The following RMP24 variants were observed in gnomAD, a reference collection of about 807,000 sequenced individuals.
RMP24 encodes ribonuclease MRP subunit p24.
At chr18:35,975,862 G>T in the RMP24 span, among the ~76,000 whole-genome samples, 1 of 152,138 alleles carries the variant, frequency 6.6e-6, no homozygotes, top group Non-Finnish European at 1.5e-5. Context: ...GTGTTGGTCA[G>T]GTAGGTGCAT....
At chr18:35,976,195 G>A in the RMP24 span, among the ~76,000 whole-genome samples, 1 of 135,924 alleles carries the variant, frequency 7.4e-6, no homozygotes, top group African/African-American at 2.8e-5. Context: ...TGTCGCCCAG[G>A]CTGGAGTGTA....
chr18:35,974,969 T>C, the RMP24 span: 2 of 1,614,148 alleles, frequency 1.2e-6, no homozygotes, highest in Non-Finnish European at 1.7e-6. Flanking sequence ...CTCGAGTGCG[T>C]CTCAAACCCA....
chr18:35,977,686 G>A, the RMP24 span: 1 of 1,386,478 alleles, frequency 7.2e-7, no homozygotes, highest in Non-Finnish European at 9.7e-7. Flanking sequence ...CCCTAAATAT[G>A]CCATGCATTT....
the RMP24 span, among the ~76,000 whole-genome samples, chr18:35,977,179 C>T: frequency 0.012 from 1,761 of 151,742 alleles, 26 homozygotes; most frequent in African/African-American, 0.041. Flanking sequence ...GCTGAGATCA[C>T]GCCACTGCAC....
chr18:35,977,363 A>T, the RMP24 span: 2 of 1,545,478 alleles, frequency 1.3e-6, no homozygotes, highest in South Asian at 2.4e-5. Context: ...TATGGGGTTA[A>T]ATTATAAGAT....
the RMP24 span, among the ~76,000 whole-genome samples, chr18:35,977,053 C>A: frequency 1.3e-5 from 2 of 152,050 alleles, no homozygotes; most frequent in East Asian, 1.9e-4. Context: ...CATGGCGAAA[C>A]CCTGCCTACT....
At chr18:35,978,021 A>T in the RMP24 span, among the ~76,000 whole-genome samples, 6 of 152,220 alleles carry the variant, frequency 3.9e-5, no homozygotes, top group South Asian at 8.3e-4. Context: ...CTTGTCACCG[A>T]TTTCTATATA....
the RMP24 span, chr18:35,978,947 A>C: frequency 6.2e-7 from 1 of 1,612,564 alleles, no homozygotes; most frequent in Admixed American, 1.7e-5. Context: ...ATCCCAAAAG[A>C]TTCCAAAGGT....
chr18:35,976,138 A>ATTTTTTTTTTTT, the RMP24 span, among the ~76,000 whole-genome samples: 2 of 72,766 alleles, frequency 2.7e-5, no homozygotes, highest in Non-Finnish European at 5.2e-5. Flanking sequence ...TGTTTTTCTG[A>ATTTTTTTTTTTT]TTTTTTTTTT....
chr18:35,975,978 C>A, the RMP24 span, among the ~76,000 whole-genome samples: 2 of 152,044 alleles, frequency 1.3e-5, no homozygotes, highest in Non-Finnish European at 2.9e-5. Context: ...TTGTATTTTT[C>A]AAAAATCATT....
chr18:35,977,608 A>T, the RMP24 span: 1 of 1,605,042 alleles, frequency 6.2e-7, no homozygotes, highest in South Asian at 1.1e-5. Context: ...CAGGTATCTT[A>T]ATCCATGAAG....
the RMP24 span, chr18:35,972,835 G>T: frequency 1.2e-6 from 2 of 1,614,238 alleles, no homozygotes; most frequent in Non-Finnish European, 1.7e-6. Flanking sequence ...AGCGGGAGGC[G>T]AGCGGGTAGG....
the RMP24 span, chr18:35,978,885 G>C: frequency 6.2e-7 from 1 of 1,612,926 alleles, no homozygotes; most frequent in East Asian, 2.2e-5. Context: ...AAGAACACCA[G>C]CAAAACAAAG....
At chr18:35,977,571 G>A in the RMP24 span, 132 of 1,613,608 alleles carry the variant, frequency 8.2e-5, no homozygotes, top group African/African-American at 1.1e-4. Flanking sequence ...TGTCTGGCTC[G>A]AAAGGCAAGA....
the RMP24 span, among the ~76,000 whole-genome samples, chr18:35,976,138 A>ATTTTTTTTTTTTTTTT: frequency 2.7e-5 from 2 of 72,766 alleles, no homozygotes; most frequent in African/African-American, 1.1e-4. Context: ...TGTTTTTCTG[A>ATTTTTTTTTTTTTTTT]TTTTTTTTTT....
the RMP24 span, chr18:35,972,763 G>A: frequency 8.1e-6 from 13 of 1,613,638 alleles, no homozygotes; most frequent in Non-Finnish European, 9.3e-6. Flanking sequence ...GCTGCAGCGC[G>A]GGGACTGCAC....
At chr18:35,972,679 C>A in the RMP24 span, 2 of 1,559,042 alleles carry the variant, frequency 1.3e-6, no homozygotes, top group Non-Finnish European at 1.7e-6. Flanking sequence ...TTCCGGCGCC[C>A]TATTTTCTCA....
the RMP24 span, chr18:35,974,921 G>A: frequency 1.2e-5 from 19 of 1,613,978 alleles, no homozygotes; most frequent in Middle Eastern, 4.9e-4. Context: ...TTGAAGAAAC[G>A]TGTCCATACT....
the RMP24 span, among the ~76,000 whole-genome samples, chr18:35,978,287 G>T: frequency 6.6e-6 from 1 of 152,222 alleles, no homozygotes; most frequent in Non-Finnish European, 1.5e-5. Flanking sequence ...CTGTCTGCCT[G>T]TCTTTCTTTG....
Sources: allele counts gnomAD v4.1 joint callset (sites outside exome capture counted in the v4.1 genomes callset), GRCh38; gene constraint gnomAD v4.1.1; transcripts MANE v1.5; gene names NCBI Gene and HGNC (gene_info 2026-07-23, HGNC 2026-07-21).